MAML2: variants seen among roughly 807,000 people sequenced by gnomAD.
MAML2 encodes the protein mastermind like transcriptional coactivator 2.
In MAML2, 22 loss-of-function variants were observed where a neutral mutation model predicts 96.1. The observed-to-expected ratio is 0.23, with a 90% CI of 0.16 to 0.33. MAML2 has a LOEUF of 0.33. MAML2 is among the 10% of genes least tolerant of loss of function. The pLI is 1.00. For missense variants in MAML2, 1,367 were observed against 1,392.4 expected, an observed-to-expected ratio of 0.98 and a Z score of 0.29; for synonymous variants, 561 against 521.3, an observed-to-expected ratio of 1.08 and a Z score of -1.04.
intron 4 of MAML2, among the ~76,000 whole-genome samples, chr11:95,981,363 C>T (rs184804288): frequency 4.5e-4 from 68 of 152,262 alleles, no homozygotes; most frequent in Middle Eastern, 6.8e-3. Flanking sequence ...AGGTTAAAGT[C>T]ATCACGAGGA....
chr11:96,326,358 C>CCTGTGT (rs111725703), intron 1 of MAML2, among the ~76,000 whole-genome samples: 1,948 of 147,744 alleles, frequency 0.013, 37 homozygotes, highest in African/African-American at 0.047. Context: ...CACACTAAAG[C>CCTGTGT]GTGTGTGTGT....
At position 95,979,680 on chromosome 11, in the gene MAML2, G is replaced by A. The variant is rs776496478; in HGVS notation, c.2739C>T (p.Thr913=). 7.4e-6 allele frequency: 12 copies of A among 1,613,908 alleles called. 1 individual carries two copies. In the South Asian group the frequency reaches 1.1e-4, roughly 15 times the overall value. ...CATTGTTATTATTACTTGGCCCTAAGGTAGGTGGCCGTGGCATCATAGGGT... is the reference window on the plus strand; with the variant it reads ...CATTGTTATTATTACTTGGCCCTAAAGTAGGTGGCCGTGGCATCATAGGGT... ...QNNPMMPRPP[T]LGPSNNNNVA... is the part of the protein sequence containing the mutation. Residue 913 remains threonine (T), a synonymous_variant, in exon 5 of 5, where the codon ACC becomes ACT. Coordinates refer to ENST00000524717, the MANE Select transcript of MAML2 (RefSeq NM_032427.4).
In MAML2 at chr11:95,979,534, G is replaced by T. The variant is rs780078181; in HGVS notation, c.2885C>A (p.Thr962Asn). 7 of 1,613,768 alleles carry T rather than the reference G, an allele frequency of 4.3e-6. No individual in the cohort carries two copies. Among genetic ancestry groups the T allele is most frequent in the African/African-American group, 1.3e-5 (1 of 74,908 alleles). ...TTCTTGAGAGGCCCAGTTTGGTGCA[G>T]TTGTGTTGGATGTGATCATTACGTT... ...TSNVMITSNT[T>N]APNWASQEGT... The change falls in exon 5 of 5, where the codon ACT becomes AAT. Residue 962 changes from threonine to asparagine, a missense_variant. Thr to Asn is a moderately conservative substitution (Grantham distance 65). Transcript: ENST00000524717.
At position 96,034,549 on chromosome 11, in the gene MAML2, C is replaced by T. The variant is rs187497872; in HGVS notation, c.2140-42826G>A. On this transcript the variant is annotated intron_variant, in intron 2 of 4. Coordinates refer to ENST00000524717, the MANE Select transcript of MAML2 (RefSeq NM_032427.4). ...ACATAATTAAAAATAATTCCATCAA[C>T]TTACTATAAAGCTCCATTTCTAATG... Among the ~76,000 whole-genome samples the T allele has an allele frequency of 2.1e-3, 322 of 152,002 alleles. 9 individuals carry two copies. The highest frequency in any genetic ancestry group is 0.015 in the Admixed American group (232 of 15,258).
At chr11:96,303,694 A>G (rs920567740) in intron 1 of MAML2, among the ~76,000 whole-genome samples, 1 of 152,210 alleles carries the variant, frequency 6.6e-6, no homozygotes, top group African/African-American at 2.4e-5. Flanking sequence ...AAGACACACA[A>G]TGAGTGTCCA....
At chr11:96,286,054 G>T (rs1591114143) in intron 1 of MAML2, among the ~76,000 whole-genome samples, 1 of 152,154 alleles carries the variant, frequency 6.6e-6, no homozygotes, top group African/African-American at 2.4e-5. Context: ...ATTCACAATA[G>T]CAAAGACATG....
chr11:95,992,770 G>C (rs1857932541), intron 2 of MAML2, among the ~76,000 whole-genome samples: 1 of 152,166 alleles, frequency 6.6e-6, no homozygotes, highest in Non-Finnish European at 1.5e-5. Context: ...TTGTCCCAGG[G>C]ATTCTGAGGC....
chr11:96,208,667 AC>A (rs1565249235), intron 1 of MAML2, among the ~76,000 whole-genome samples: 1 of 152,108 alleles, frequency 6.6e-6, no homozygotes, highest in South Asian at 2.1e-4. Flanking sequence ...GTTCTTTAAC[AC>A]CCCCCAAAGA....
chr11:96,091,779 C>G, intron 2 of MAML2, 113 bp downstream of exon 2: 1 of 1,422,856 alleles, frequency 7.0e-7, no homozygotes, highest in Admixed American at 2.6e-5. Context: ...ATCAAGACCA[C>G]TACTGTCTTT....
At chr11:96,072,272 C>T (rs553316758) in intron 2 of MAML2, among the ~76,000 whole-genome samples, 4 of 152,284 alleles carry the variant, frequency 2.6e-5, no homozygotes, top group East Asian at 1.9e-4. Context: ...TATGTCCTGA[C>T]TGCATATAGG....
intron 1 of MAML2, among the ~76,000 whole-genome samples, chr11:96,112,887 C>T (rs963349670): frequency 6.6e-6 from 1 of 152,132 alleles, no homozygotes; most frequent in Non-Finnish European, 1.5e-5. Flanking sequence ...GTGTGAGGGC[C>T]ACTTGGTCAA....
chr11:96,222,587 A>G (rs1333555135), intron 1 of MAML2, among the ~76,000 whole-genome samples: 1 of 152,208 alleles, frequency 6.6e-6, no homozygotes, highest in Non-Finnish European at 1.5e-5. Context: ...GGATAATGAG[A>G]TATCATTTCC....
At chr11:96,186,829 C>T (rs941862400) in intron 1 of MAML2, among the ~76,000 whole-genome samples, 1 of 152,202 alleles carries the variant, frequency 6.6e-6, no homozygotes, top group South Asian at 2.1e-4. Flanking sequence ...GGCTTTAGAG[C>T]CGGGCCCCTT....
chr11:96,080,086 T>C (rs369307094), intron 2 of MAML2, among the ~76,000 whole-genome samples: 3 of 152,348 alleles, frequency 2.0e-5, no homozygotes, highest in East Asian at 3.9e-4. Context: ...GTACTGCTTA[T>C]CTCAGCAGTA....
intron 1 of MAML2, among the ~76,000 whole-genome samples, chr11:96,208,789 G>A (rs568212763): frequency 5.1e-4 from 77 of 152,176 alleles, no homozygotes; most frequent in Non-Finnish European, 1.0e-3. Flanking sequence ...CCAGGGAAAG[G>A]TGAAGTCCAA....
chr11:96,159,407 C>CTTTTTTTTTTTTTTTTTTTTTTTTTTT (rs760811590), intron 1 of MAML2, among the ~76,000 whole-genome samples: 3 of 91,150 alleles, frequency 3.3e-5, no homozygotes, highest in African/African-American at 4.4e-5. Flanking sequence ...ACCACTGATT[C>CTTTTTTTTTTTTTTTTTTTTTTTTTTT]TTTTTTTTTT....
At chr11:96,182,957 C>CTTTT (rs11301035) in intron 1 of MAML2, among the ~76,000 whole-genome samples, 10 of 108,228 alleles carry the variant, frequency 9.2e-5, no homozygotes, top group Non-Finnish European at 1.2e-4. Flanking sequence ...CCTTTCTTTT[C>CTTTT]TTTTTTTTTT....
intron 1 of MAML2, among the ~76,000 whole-genome samples, chr11:96,210,170 C>T (rs1861949639): frequency 6.6e-6 from 1 of 152,110 alleles, no homozygotes; most frequent in Admixed American, 6.6e-5. Context: ...AGTGCAGTGG[C>T]ACAATTTTGG....
intron 1 of MAML2, among the ~76,000 whole-genome samples, chr11:96,166,177 TCACACACACA>T (rs1555018442): frequency 2.4e-4 from 26 of 110,384 alleles, no homozygotes; most frequent in African/African-American, 6.6e-4. Flanking sequence ...TCTCTCTCTC[TCACACACACA>T]CACACACACA....
Sources: allele counts gnomAD v4.1 joint callset (sites outside exome capture counted in the v4.1 genomes callset), GRCh38; gene constraint gnomAD v4.1.1; transcripts MANE v1.5; gene names NCBI Gene and HGNC (gene_info 2026-07-23, HGNC 2026-07-21).